SASH1: variants seen among roughly 807,000 people sequenced by gnomAD.
SASH1 encodes SAM and SH3 domain-containing protein 1.
A neutral mutation model predicts 125.2 loss-of-function variants in SASH1; 44 were observed. That is an observed-to-expected ratio of 0.35 (90% CI 0.28 to 0.45). The LOEUF is 0.45. Ranked by LOEUF, SASH1 falls within the 20% of genes least tolerant of loss-of-function variation. SASH1 has a pLI of 1.00. For synonymous variants in SASH1, 639 were observed against 649.1 expected (o/e 0.98, Z 0.24); for missense variants, 1,426 against 1,614.5 (o/e 0.88, Z 2.00).
chr6:148,438,109 ATGGGCTGCAAT>A (rs1776371095), intron 2 of SASH1, among the ~76,000 whole-genome samples: 1 of 152,218 alleles, frequency 6.6e-6, no homozygotes, highest in African/African-American at 2.4e-5. Flanking sequence ...ATAGAAGGTC[ATGGGCTGCAAT>A]TGGGTGTTAA....
chr6:148,365,166 A>G (rs1380913977), intron 1 of SASH1, among the ~76,000 whole-genome samples: 1 of 151,726 alleles, frequency 6.6e-6, no homozygotes, highest in Non-Finnish European at 1.5e-5. Flanking sequence ...TTTTCCCTTC[A>G]AGTATTTCAC....
At chr6:148,398,877 T>C (rs1424722999) in intron 2 of SASH1, among the ~76,000 whole-genome samples, 2 of 152,240 alleles carry the variant, frequency 1.3e-5, no homozygotes, top group Non-Finnish European at 2.9e-5. Context: ...TTCTGTGCTC[T>C]GGCCTCTCTC....
intron 1 of SASH1, among the ~76,000 whole-genome samples, chr6:148,304,984 T>C (rs761238659): frequency 1.3e-5 from 2 of 151,936 alleles, no homozygotes; most frequent in African/African-American, 4.8e-5. Context: ...TGAGCCAAGA[T>C]TGTGCCACTG....
intron 1 of SASH1, among the ~76,000 whole-genome samples, chr6:148,353,589 C>A (rs774141354): frequency 8.6e-5 from 13 of 151,908 alleles, no homozygotes; most frequent in Non-Finnish European, 1.8e-4. Context: ...CATGCACCAC[C>A]ACACCTGGCT....
Position 148,549,870 on chromosome 6 carries a change from C to A in SASH1, c.*1312C>A, listed in dbSNP as rs1458420777. ...TGTCACCCAGGCTGGAGTGCAATGG[C>A]ACGATCTTGGCTCACTGCAACCTCA... is the stretch of plus-strand genomic sequence containing the variant. On this transcript the variant is annotated 3_prime_UTR_variant, in exon 20 of 20. Transcript: ENST00000367467. 1.2e-5 allele frequency: 3 copies of A among 254,136 alleles called. No homozygotes were observed. In the East Asian group the frequency reaches 2.0e-4, roughly 17 times the overall value. 15.7% of individuals were successfully genotyped at this position (254,136 alleles called of 1,614,324 possible).
intron 1 of SASH1, among the ~76,000 whole-genome samples, chr6:148,305,967 C>A (rs1780118970): frequency 6.6e-6 from 1 of 152,096 alleles, no homozygotes; most frequent in African/African-American, 2.4e-5. Flanking sequence ...AGGTGATGAG[C>A]CCCATTTATC....
intron 2 of SASH1, among the ~76,000 whole-genome samples, chr6:148,390,935 T>C (rs1302852101): frequency 6.6e-6 from 1 of 152,010 alleles, no homozygotes; most frequent in East Asian, 1.9e-4. Flanking sequence ...CGTTCCTTTT[T>C]TCTTTTCTTC....
intron 1 of SASH1, among the ~76,000 whole-genome samples, chr6:148,284,724 G>A (rs1292159316): frequency 6.6e-6 from 1 of 152,120 alleles, no homozygotes; most frequent in Non-Finnish European, 1.5e-5. Flanking sequence ...CATAGAAGTA[G>A]CTTAATTTGC....
At chr6:148,435,869 A>G (rs1776272441) in intron 2 of SASH1, among the ~76,000 whole-genome samples, 1 of 152,232 alleles carries the variant, frequency 6.6e-6, no homozygotes, top group Non-Finnish European at 1.5e-5. Context: ...AATGAGAGAC[A>G]TGATCATTGC....
chr6:148,485,739 T>C (rs1338340890), intron 7 of SASH1, among the ~76,000 whole-genome samples: 1 of 152,226 alleles, frequency 6.6e-6, no homozygotes, highest in Non-Finnish European at 1.5e-5. Flanking sequence ...ATCACAGTTG[T>C]GAAAGTGGCT....
At chr6:148,304,440 AAAAAAG>A (rs141641912) in intron 1 of SASH1, among the ~76,000 whole-genome samples, 6,333 of 139,318 alleles carry the variant, frequency 0.045, 208 homozygotes, top group South Asian at 0.073. Flanking sequence ...CTCAAAAAAA[AAAAAAG>A]AAAAGAAAAA....
chr6:148,249,089 T>C, the SASH1 span, among the ~76,000 whole-genome samples: 2 of 152,174 alleles, frequency 1.3e-5, no homozygotes, highest in Non-Finnish European at 2.9e-5. Flanking sequence ...AATGAATGAA[T>C]GAATGAGTGA....
At chr6:148,395,537 TA>T (rs1275532173) in intron 2 of SASH1, among the ~76,000 whole-genome samples, 3 of 152,174 alleles carry the variant, frequency 2.0e-5, no homozygotes, top group Non-Finnish European at 4.4e-5. Flanking sequence ...TACAGATGGG[TA>T]AAAATTCAAC....
chr6:148,321,139 T>C (rs1268170799), intron 1 of SASH1, among the ~76,000 whole-genome samples: 2 of 152,110 alleles, frequency 1.3e-5, no homozygotes, highest in Non-Finnish European at 2.9e-5. Context: ...ACATCTGTAA[T>C]CCCATGCCTT....
rs1562411741 is a variant in SASH1, at chr6:148,440,424, CTG to C, written c.386+18_386+19del. ...GGAAAGAAAGTAAGTCTTTCTCCCTCTGCCCAGGACCACCTTCCAAGAAGGTG... is the reference window on the plus strand; with the variant it reads ...GGAAAGAAAGTAAGTCTTTCTCCCTCCCCAGGACCACCTTCCAAGAAGGTG... On this transcript the variant is annotated intron_variant, in intron 4 of 19. Coordinates refer to ENST00000367467, the MANE Select transcript of SASH1 (RefSeq NM_015278.5). 1 of 1,611,670 alleles carries C rather than the reference CTG, an allele frequency of 6.2e-7. No individual in the cohort carries two copies. Among genetic ancestry groups the C allele is most frequent in the Non-Finnish European group, 8.5e-7 (1 of 1,178,398 alleles).
At chr6:148,448,149 T>TGTGTGTGTGTGTGTGTGTGC (rs1776899017) in intron 4 of SASH1, among the ~76,000 whole-genome samples, 2 of 151,876 alleles carry the variant, frequency 1.3e-5, no homozygotes, top group African/African-American at 4.8e-5. Context: ...TATGTGTGTG[T>TGTGTGTGTGTGTGTGTGTGC]GTGCGTGCGT....
chr6:148,531,416 T>C (rs1781508362), intron 12 of SASH1, 110 bp from the exon 13 acceptor site: 1 of 892,526 alleles, frequency 1.1e-6, no homozygotes, highest in Non-Finnish European at 1.6e-6. Context: ...GAATCAAATA[T>C]AGGTATAGAT....
chr6:148,501,222 G>A (rs1488911109), intron 8 of SASH1, among the ~76,000 whole-genome samples: 1 of 152,060 alleles, frequency 6.6e-6, no homozygotes, highest in Non-Finnish European at 1.5e-5. Flanking sequence ...CCTAGACAAG[G>A]TTGTTTGGCA....
At chr6:148,537,635 A>G (rs1219983650) in intron 16 of SASH1, among the ~76,000 whole-genome samples, 1 of 152,208 alleles carries the variant, frequency 6.6e-6, no homozygotes, top group Non-Finnish European at 1.5e-5. Flanking sequence ...AATATGGTGT[A>G]AGCCCACAGA....
Sources: gnomAD v4.1 joint callset for allele counts (sites outside exome capture counted in the v4.1 genomes callset) on GRCh38, gnomAD v4.1.1 for gene constraint, MANE v1.5 for transcripts, NCBI Gene and HGNC (gene_info 2026-07-23, HGNC 2026-07-21) for gene names.